The following SYT16 variants were observed in gnomAD, a reference collection of about 807,000 sequenced individuals.
SYT16 encodes the protein synaptotagmin-16.
Under a neutral mutation model 61.4 loss-of-function variants are expected in SYT16, and 42 were observed. The observed-to-expected ratio is 0.68, with a 90% CI of 0.53 to 0.89. The LOEUF (loss-of-function observed/expected upper bound fraction) is 0.89. Ranked by LOEUF, SYT16 falls within the 40% of genes least tolerant of loss-of-function variation. The pLI is 0.00. For synonymous variants in SYT16, 314 were observed against 302.3 expected, an observed-to-expected ratio of 1.04 and a Z score of -0.40; for missense variants, 804 against 807.3, an observed-to-expected ratio of 1.00 and a Z score of 0.05.
intron 2 of SYT16, among the ~76,000 whole-genome samples, chr14:61,972,729 C>A (rs781322091): frequency 6.6e-6 from 1 of 152,258 alleles, no homozygotes; most frequent in African/African-American, 2.4e-5. Flanking sequence ...TTTTGACAAA[C>A]GTAAAGAAGG....
chr14:62,060,205 C>G (rs142535233), intron 3 of SYT16, among the ~76,000 whole-genome samples: 1 of 152,170 alleles, frequency 6.6e-6, no homozygotes, highest in African/African-American at 2.4e-5. Flanking sequence ...AAATTAGCAT[C>G]TTAACAATAT....
chr14:61,956,527 C>T (rs575522322), intron 1 of SYT16, among the ~76,000 whole-genome samples: 33 of 152,122 alleles, frequency 2.2e-4, no homozygotes, highest in African/African-American at 7.0e-4. Flanking sequence ...ATGTGGATAT[C>T]CAATTTTACT....
intron 3 of SYT16, among the ~76,000 whole-genome samples, chr14:61,998,113 T>C (rs577439096): frequency 6.6e-6 from 1 of 152,150 alleles, no homozygotes; most frequent in African/African-American, 2.4e-5. Flanking sequence ...TTTGAGAACC[T>C]ACCCAATATC....
chr14:61,879,123 C>T (rs2047602279), intron 1 of SYT16, among the ~76,000 whole-genome samples: 1 of 151,954 alleles, frequency 6.6e-6, no homozygotes, highest in Non-Finnish European at 1.5e-5. Flanking sequence ...GTCCATTTCT[C>T]TTGATACACT....
rs186025901 is a variant in SYT16 at position 62,053,324 on chromosome 14, A to G, written c.524-16279A>G. 5.1e-4 allele frequency among the ~76,000 whole-genome samples: 78 copies of G among 152,304 alleles called. No individual in the cohort carries two copies. In the Middle Eastern group the frequency reaches 0.014, roughly 27 times the overall value. ...CTCCTGCCCTCAGACTGAAACTTAC[A>G]TCATCTGCTCTCCTGATTCTTAAGT... On this transcript the variant is annotated intron_variant, in intron 3 of 7. Transcript: ENST00000683842.
At chr14:62,045,835 C>A (rs1181734430) in intron 3 of SYT16, among the ~76,000 whole-genome samples, 1 of 152,076 alleles carries the variant, frequency 6.6e-6, no homozygotes, top group Admixed American at 6.5e-5. Flanking sequence ...GCTACATTTT[C>A]TTAATCCAGT....
Position 62,105,694 on chromosome 14 carries a change from C to A in SYT16, c.*4987C>A, listed in dbSNP as rs963070505. On this transcript the variant is annotated 3_prime_UTR_variant, in exon 8 of 8. Coordinates refer to ENST00000683842, the MANE Select transcript of SYT16 (RefSeq NM_001367656.1). Reference sequence around the variant, plus strand: ...GAGTTTCTGGAGAATTTAGAAGAATCTTTGTTGACATTTAATCTAGAGAAG... The same window carrying A: ...GAGTTTCTGGAGAATTTAGAAGAATATTTGTTGACATTTAATCTAGAGAAG... The A allele has an allele frequency of 6.6e-6, 1 of 152,174 alleles. No homozygotes were observed. The allele number at this position is 152,174 out of a possible 1,614,324, so 9.4% of individuals were successfully genotyped here. A position where few individuals can be genotyped will look rare whatever the true frequency, so the allele number is the denominator to read the frequency against.
chr14:61,925,776 G>T (rs1031542666), intron 1 of SYT16, among the ~76,000 whole-genome samples: 8 of 152,256 alleles, frequency 5.3e-5, no homozygotes, highest in Admixed American at 2.6e-4. Context: ...CTCTTACCTT[G>T]AAGGTGAGAG....
At chr14:61,829,821 A>T (rs985523036) in intron 1 of SYT16, among the ~76,000 whole-genome samples, 1 of 151,844 alleles carries the variant, frequency 6.6e-6, no homozygotes. Context: ...CGCCCAGCTA[A>T]TTTTTTGTAT....
chr14:61,911,239 A>AT (rs1281125982), intron 1 of SYT16, among the ~76,000 whole-genome samples: 6 of 152,232 alleles, frequency 3.9e-5, no homozygotes, highest in Admixed American at 3.9e-4. Context: ...AGGACCGGCC[A>AT]TAGACTAGAA....
At chr14:62,085,724 G>C (rs2056863398) in intron 7 of SYT16, among the ~76,000 whole-genome samples, 1 of 152,140 alleles carries the variant, frequency 6.6e-6, no homozygotes, top group Non-Finnish European at 1.5e-5. Context: ...CCAGCACTTT[G>C]GATAACAGAA....
chr14:61,818,187 A>G (rs2045501029), intron 1 of SYT16, among the ~76,000 whole-genome samples: 1 of 152,198 alleles, frequency 6.6e-6, no homozygotes, highest in Admixed American at 6.5e-5. Context: ...ACCCCCATGT[A>G]TCCAGGTCAC....
At chr14:62,006,688 T>C (rs2053239620) in intron 3 of SYT16, among the ~76,000 whole-genome samples, 1 of 152,146 alleles carries the variant, frequency 6.6e-6, no homozygotes, top group South Asian at 2.1e-4. Flanking sequence ...GGCTTTTTGG[T>C]TTAAAGACTC....
chr14:61,852,371 C>T (rs1423278983), intron 1 of SYT16, among the ~76,000 whole-genome samples: 2 of 152,078 alleles, frequency 1.3e-5, no homozygotes, highest in Admixed American at 1.3e-4. Flanking sequence ...CAGCTTTGTT[C>T]TTTTTGTTTA....
chr14:62,007,873 TA>T (rs1488195285), intron 3 of SYT16, among the ~76,000 whole-genome samples: 7 of 151,828 alleles, frequency 4.6e-5, no homozygotes, highest in Non-Finnish European at 7.4e-5. Flanking sequence ...TCTCAAGGAA[TA>T]AAAAAAATTT....
At position 62,108,972 on chromosome 14, in the gene SYT16, C is replaced by T. The variant is rs184400782; in HGVS notation, c.*8265C>T. On this transcript the variant is annotated 3_prime_UTR_variant, in exon 8 of 8. Transcript: ENST00000683842. ...CAAACACAACCTTCTTCCCCGTGAA[C>T]ATTTTGAACACCACAGTGCTATATT... 2 of 152,260 alleles carry T rather than the reference C, an allele frequency of 1.3e-5. No individual in the cohort carries two copies. Among genetic ancestry groups the T allele is most frequent in the East Asian group, 1.9e-4 (1 of 5,190 alleles). The allele number at this position is 152,260 out of a possible 1,614,324, so 9.4% of individuals were successfully genotyped here. A position where few individuals can be genotyped will look rare whatever the true frequency, so the allele number is the denominator to read the frequency against.
chr14:61,941,731 A>G (rs147329770), intron 1 of SYT16, among the ~76,000 whole-genome samples: 6 of 152,242 alleles, frequency 3.9e-5, no homozygotes, highest in Admixed American at 2.0e-4. Flanking sequence ...CCTTTCCCAA[A>G]TGGACAAACC....
intron 1 of SYT16, among the ~76,000 whole-genome samples, chr14:61,952,525 C>G (rs1167035937): frequency 1.3e-5 from 2 of 152,178 alleles, no homozygotes; most frequent in Non-Finnish European, 2.9e-5. Flanking sequence ...GTGTATGTGT[C>G]TGTGTGTGTT....
At chr14:61,882,884 C>G (rs543868111) in intron 1 of SYT16, among the ~76,000 whole-genome samples, 1 of 152,314 alleles carries the variant, frequency 6.6e-6, no homozygotes, top group African/African-American at 2.4e-5. Context: ...GTCTGAAATC[C>G]AATAGGCCAG....
Sources: allele counts gnomAD v4.1 joint callset (sites outside exome capture counted in the v4.1 genomes callset), GRCh38; gene constraint gnomAD v4.1.1; transcripts MANE v1.5; gene names NCBI Gene and HGNC (gene_info 2026-07-23, HGNC 2026-07-21).